Variants in OSBPL10 observed in about 807,000 individuals in gnomAD.
OSBPL10 encodes oxysterol binding protein like 10.
OSBPL10 carries 49 observed loss-of-function variants against 81.7 expected under a neutral mutation model. The observed-to-expected ratio is 0.60, with a 90% CI of 0.48 to 0.76. The LOEUF is 0.76. OSBPL10 is among the 30% of genes least tolerant of loss of function. OSBPL10 has a pLI of 0.00. For synonymous variants in OSBPL10, 419 were observed against 383.6 expected, an observed-to-expected ratio of 1.09 and a Z score of -1.08; for missense variants, 923 against 987.8, an observed-to-expected ratio of 0.93 and a Z score of 0.88.
intron 2 of OSBPL10, chr3:31,990,355 T>G (rs574390239): frequency 1.2e-6 from 2 of 1,614,112 alleles, no homozygotes; most frequent in Admixed American, 3.3e-5. Flanking sequence ...AGAGAGATCT[T>G]ACAAGTGTAA....
chr3:31,919,496 T>G (rs182018497), intron 1 of OSBPL10: 13 of 152,324 alleles, frequency 8.5e-5, no homozygotes, highest in Admixed American at 7.8e-4. Context: ...GTTTTCTCCC[T>G]CTGGTTCCAA....
intron 1 of OSBPL10, among the ~76,000 whole-genome samples, chr3:31,928,953 G>C (rs1460991675): frequency 6.6e-6 from 1 of 152,122 alleles, no homozygotes. Flanking sequence ...TGATAAAAGA[G>C]CTGACTTGCA....
chr3:31,815,096 C>G (rs1208722052), intron 4 of OSBPL10, among the ~76,000 whole-genome samples: 1 of 151,942 alleles, frequency 6.6e-6, no homozygotes, highest in Non-Finnish European at 1.5e-5. Flanking sequence ...AGTGGCCACA[C>G]TGGAATGTCT....
rs145956611 is a variant in OSBPL10 at position 31,689,795 on chromosome 3, C to A, written c.1246-5681G>T. Among the ~76,000 whole-genome samples the A allele has an allele frequency of 2.8e-3, 432 of 152,268 alleles. 3 individuals are homozygous for A. The highest frequency in any genetic ancestry group is 9.9e-3 in the African/African-American group (412 of 41,546). Reference sequence around the variant, plus strand: ...GCCTTCTGCCATGATTGTGAGGCCTCCCCAGCCATTTGGAACTATAAGTCC... The same window carrying A: ...GCCTTCTGCCATGATTGTGAGGCCTACCCAGCCATTTGGAACTATAAGTCC... On this transcript the variant is annotated intron_variant, in intron 7 of 11. Coordinates refer to ENST00000396556, the MANE Select transcript of OSBPL10 (RefSeq NM_017784.5).
intron 2 of OSBPL10, chr3:31,990,107 A>T: frequency 6.2e-7 from 1 of 1,611,684 alleles, no homozygotes; most frequent in Non-Finnish European, 8.5e-7. Flanking sequence ...AAACCATACA[A>T]ATGTAAGGTT....
chr3:31,713,026 G>A (rs115383661), intron 6 of OSBPL10, among the ~76,000 whole-genome samples: 1,738 of 152,290 alleles, frequency 0.011, 12 homozygotes, highest in Non-Finnish European at 0.018. Flanking sequence ...CAAAGCCACC[G>A]TCACCTCTCT....
intron 3 of OSBPL10, among the ~76,000 whole-genome samples, chr3:31,840,639 G>A (rs1037705138): frequency 6.6e-6 from 1 of 152,204 alleles, no homozygotes; most frequent in African/African-American, 2.4e-5. Flanking sequence ...ATAGCCACAG[G>A]AGGCTACAGA....
intron 2 of OSBPL10, among the ~76,000 whole-genome samples, chr3:32,000,924 G>A (rs1313641843): frequency 1.3e-5 from 2 of 152,128 alleles, no homozygotes; most frequent in Admixed American, 1.3e-4. Flanking sequence ...GAAATCTTTG[G>A]AACTGGAATG....
At position 31,666,828 on chromosome 3, in the gene OSBPL10, TTCTC is replaced by T. The variant is rs374213751; in HGVS notation, c.2096+1810_2096+1813del. On this transcript the variant is annotated intron_variant, in intron 10 of 11. Coordinates refer to ENST00000396556, the MANE Select transcript of OSBPL10 (RefSeq NM_017784.5). ...CCATAATAAAAGTTATGTGAATGTA[TTCTC>T]TCTCTGAAAATACTGTAATATTTTC... 2.4e-3 allele frequency among the ~76,000 whole-genome samples: 358 copies of T among 152,302 alleles called. 1 individual carries two copies. Among genetic ancestry groups the T allele is most frequent in the African/African-American group, 7.5e-3 (313 of 41,558 alleles).
At chr3:31,691,409 G>A (rs1400851031) in intron 7 of OSBPL10, among the ~76,000 whole-genome samples, 1 of 152,126 alleles carries the variant, frequency 6.6e-6, no homozygotes, top group Non-Finnish European at 1.5e-5. Context: ...CCAAGAGTAG[G>A]TGCAATTTTC....
At position 31,768,510 on chromosome 3, in the gene OSBPL10, C is replaced by T. The variant is rs531196353; in HGVS notation, c.730-20390G>A. Among the ~76,000 whole-genome samples the T allele has an allele frequency of 3.9e-5, 6 of 151,934 alleles. No individual in the cohort carries two copies. In the South Asian group the frequency reaches 1.0e-3, roughly 26 times the overall value. On this transcript the variant is annotated intron_variant, in intron 4 of 11. Transcript: ENST00000396556. ...TTAGAAAATGTGTAATATTAGTACTCTTGCAGATATTTTTTCAGATTTCCC... is the reference window on the plus strand; with the variant it reads ...TTAGAAAATGTGTAATATTAGTACTTTTGCAGATATTTTTTCAGATTTCCC...
intron 1 of OSBPL10, among the ~76,000 whole-genome samples, chr3:31,903,799 C>A (rs1043084550): frequency 2.0e-5 from 3 of 152,138 alleles, no homozygotes; most frequent in Admixed American, 6.5e-5. Flanking sequence ...TATATAAAAT[C>A]TTCTACCTCA....
chr3:31,744,612 C>A (rs1575516070), intron 5 of OSBPL10, among the ~76,000 whole-genome samples: 2 of 149,802 alleles, frequency 1.3e-5, no homozygotes, highest in East Asian at 2.0e-4. Flanking sequence ...GGAGAGAGAG[C>A]ACAGGGAGGA....
intron 1 of OSBPL10, among the ~76,000 whole-genome samples, chr3:32,075,732 C>T (rs1056175805): frequency 4.6e-5 from 7 of 152,172 alleles, no homozygotes; most frequent in Admixed American, 2.6e-4. Context: ...AACACCTCAC[C>T]ACTATTTTGT....
intron 1 of OSBPL10, among the ~76,000 whole-genome samples, chr3:32,051,217 G>A (rs76031780): frequency 0.05 from 7,684 of 152,232 alleles, 328 homozygotes; most frequent in African/African-American, 0.1. Context: ...AAACAGAGGA[G>A]GCACCACAGA....
chr3:31,661,933 A>G lies in OSBPL10; in HGVS notation c.*139T>C. On this transcript the variant is annotated 3_prime_UTR_variant, in exon 12 of 12. Transcript: ENST00000396556. ...AGTGTGGGGGTGCACTTTTCATAGT[A>G]TATAATTTCTCTCTCTCTCATCATT... 4.7e-6 allele frequency: 6 copies of G among 1,271,970 alleles called. No homozygotes were observed. The highest frequency in any genetic ancestry group is 2.4e-5 in the East Asian group (1 of 42,250). The allele number at this position is 1,271,970 out of a possible 1,614,324, so 78.8% of individuals were successfully genotyped here. A position where few individuals can be genotyped will look rare whatever the true frequency, so the allele number is the denominator to read the frequency against.
intron 2 of OSBPL10, among the ~76,000 whole-genome samples, chr3:32,011,188 C>G (rs1699252802): frequency 6.6e-6 from 1 of 152,230 alleles, no homozygotes; most frequent in Non-Finnish European, 1.5e-5. Flanking sequence ...GGGAGGCACC[C>G]CCCAGTAGGG....
Position 31,833,709 on chromosome 3 carries a change from A to G in OSBPL10, c.538-3478T>C, listed in dbSNP as rs868724409. ...GGAAAACACGCACACGCACACGCAC[A>G]CACACACACACACACACACACACAC... On this transcript the variant is annotated intron_variant, in intron 3 of 11. Transcript: ENST00000396556. Among the ~76,000 whole-genome samples, 906 of 140,598 alleles carry G rather than the reference A, an allele frequency of 6.4e-3. 5 individuals carry two copies. The highest frequency in any genetic ancestry group is 8.0e-3 in the Admixed American group (118 of 14,728). The allele number at this position is 140,598 out of a possible 152,430, so 92.2% of individuals were successfully genotyped here.
At chr3:31,959,030 A>G (rs991146880) in intron 1 of OSBPL10, among the ~76,000 whole-genome samples, 3 of 152,196 alleles carry the variant, frequency 2.0e-5, no homozygotes, top group Admixed American at 1.3e-4. Context: ...GCCCTAGAAG[A>G]CACTTCCAGT....
Sources: gnomAD v4.1 joint callset for allele counts (sites outside exome capture counted in the v4.1 genomes callset) on GRCh38, gnomAD v4.1.1 for gene constraint, MANE v1.5 for transcripts, NCBI Gene and HGNC (gene_info 2026-07-23, HGNC 2026-07-21) for gene names.